Variants in CCDC57 observed in about 807,000 individuals in gnomAD.
CCDC57 encodes coiled-coil domain containing 57.
A neutral mutation model predicts 118.9 loss-of-function variants in CCDC57; 118 were observed. That is an observed-to-expected ratio of 0.99 (90% CI 0.86 to 1.16). The LOEUF is 1.16. Ranked by LOEUF, CCDC57 falls within the 50% of genes most tolerant of loss-of-function variation. The pLI is 0.00. For missense variants in CCDC57, 1,300 were observed against 1,320.7 expected, an observed-to-expected ratio of 0.98 and a Z score of 0.24; for synonymous variants, 527 against 532.9, an observed-to-expected ratio of 0.99 and a Z score of 0.15.
intron 11 of CCDC57, 106 bp downstream of exon 10, chr17:82,178,368 C>A (rs1323407662): frequency 7.4e-7 from 1 of 1,343,260 alleles, no homozygotes; most frequent in Non-Finnish European, 9.9e-7. Flanking sequence ...AAAAAGAACA[C>A]AACTGAAAGA....
chr17:82,161,049 G>A (rs1255083148), intron 14 of CCDC57, among the ~76,000 whole-genome samples: 6 of 152,112 alleles, frequency 3.9e-5, no homozygotes, highest in South Asian at 2.1e-4. Context: ...CCACACGGAT[G>A]TTTCTCCAAA....
intron 19 of CCDC57, among the ~76,000 whole-genome samples, chr17:82,107,031 T>G (rs2034896341): frequency 6.6e-6 from 1 of 152,126 alleles, no homozygotes; most frequent in Non-Finnish European, 1.5e-5. Flanking sequence ...TCCCTGCATG[T>G]CTTGGCAGGA....
chr17:82,162,219 G>A (rs1013591389), intron 14 of CCDC57, among the ~76,000 whole-genome samples: 6 of 152,074 alleles, frequency 3.9e-5, no homozygotes, highest in Non-Finnish European at 8.8e-5. Context: ...GGCTGGTCTC[G>A]AACTCCTGAC....
chr17:82,163,312 C>T, exon 14 of CCDC57: 1 of 1,613,738 alleles, frequency 6.2e-7, no homozygotes, highest in Non-Finnish European at 8.5e-7. Context: ...TCCTGCTTGA[C>T]CAGCTTGGAC....
At chr17:82,170,319 C>A (rs576777385) in intron 13 of CCDC57, among the ~76,000 whole-genome samples, 8 of 152,162 alleles carry the variant, frequency 5.3e-5, no homozygotes, top group African/African-American at 1.9e-4. Context: ...ACCAGCCTGA[C>A]CAACGTGGTG....
At chr17:82,138,152 T>C (rs1437862847) in intron 16 of CCDC57, among the ~76,000 whole-genome samples, 2 of 145,276 alleles carry the variant, frequency 1.4e-5, no homozygotes, top group Admixed American at 6.8e-5. Context: ...GATCTCTTTT[T>C]TTTTTTTTTT....
chr17:82,185,992 C>CGTA (rs2046878717), intron 8 of CCDC57, among the ~76,000 whole-genome samples: 1 of 152,050 alleles, frequency 6.6e-6, no homozygotes. Flanking sequence ...TGAGCACCAC[C>CGTA]GTACCTGTCT....
rs1329608769 is a variant in CCDC57, at chr17:82,206,920, T to A, written c.-9+927A>T. Among the ~76,000 whole-genome samples, 7 of 152,236 alleles carry A rather than the reference T, an allele frequency of 4.6e-5. 1 individual carries two copies. The highest frequency in any genetic ancestry group is 7.3e-5 in the Non-Finnish European group (5 of 68,036). On this transcript the variant is annotated intron_variant, in intron 2 of 19. Coordinates refer to ENST00000665763, the Ensembl canonical transcript of CCDC57. ...GTTCATTCCTGGGTGTAGGCCGAAC[T>A]AAGTTTAGGAGGAACTTAGTTTATA...
intron 13 of CCDC57, 87 bp from the exon 13 acceptor site, chr17:82,163,444 C>G (rs1406099235): frequency 8.6e-6 from 13 of 1,511,738 alleles, no homozygotes; most frequent in Non-Finnish European, 1.2e-5. Flanking sequence ...TCAGCTCTCC[C>G]TTTCCCGTGA....
chr17:82,172,944 C>A lies in CCDC57; in HGVS notation c.1507-84G>T. 2 of 1,284,816 alleles carry A rather than the reference C, an allele frequency of 1.6e-6. No individual in the cohort carries two copies. Among genetic ancestry groups the A allele is most frequent in the Non-Finnish European group, 2.2e-6 (2 of 912,172 alleles). The allele number at this position is 1,284,816 out of a possible 1,614,324, so 79.6% of individuals were successfully genotyped here. ...ACAGGCTGTGCCTCCGCTCTCCCCG[C>A]GCCCCTCTCGGGCCGGTCCCCCGCT... On this transcript the variant is annotated intron_variant, in intron 11 of 19. Transcript: ENST00000665763. This position sits in a 1 kb window ranked among gnomAD's most constrained non-coding sequence, Gnocchi z 5.2.
intron 16 of CCDC57, among the ~76,000 whole-genome samples, chr17:82,138,065 T>C (rs997048856): frequency 5.3e-5 from 8 of 151,838 alleles, no homozygotes; most frequent in African/African-American, 1.9e-4. Flanking sequence ...AGAGAGGTAT[T>C]TGAAATAATT....
chr17:82,198,725 T>G (rs2048596879), intron 3 of CCDC57, among the ~76,000 whole-genome samples: 1 of 151,386 alleles, frequency 6.6e-6, no homozygotes, highest in African/African-American at 2.4e-5. Flanking sequence ...GCCCAGTGGC[T>G]CACGCCTGTA....
chr17:82,129,621 C>T (rs997155903), intron 17 of CCDC57, among the ~76,000 whole-genome samples: 1 of 152,144 alleles, frequency 6.6e-6, no homozygotes, highest in African/African-American at 2.4e-5. Context: ...ATGCTCACTG[C>T]CCCCCGGGCT....
Position 82,179,200 on chromosome 17 carries a change from G to A in CCDC57, c.1212-11C>T, listed in dbSNP as rs370248387. The stretch of plus-strand genomic sequence containing the variant: ...AGCTGTTGCTTGTACCTAAGGACAC[G>A]TCCAACCGCTCAGCATTAATGCTTC... On this transcript the variant is annotated splice_polypyrimidine_tract_variant and intron_variant, in intron 9 of 19. Coordinates refer to ENST00000665763, the Ensembl canonical transcript of CCDC57. 3.1e-6 allele frequency: 5 copies of A among 1,610,450 alleles called. No individual in the cohort carries two copies. Among genetic ancestry groups the A allele is most frequent in the South Asian group, 1.1e-5 (1 of 90,692 alleles).
At chr17:82,157,411 C>T (rs766566845) in intron 15 of CCDC57, 3 of 1,263,788 alleles carry the variant, frequency 2.4e-6, no homozygotes, top group East Asian at 3.5e-5. Context: ...GCCGTCAAGG[C>T]CCTGCATTAA....
At chr17:82,183,985 C>A in intron 8 of CCDC57, 53 bp from the exon 8 acceptor site, 1 of 1,549,832 alleles carries the variant, frequency 6.5e-7, no homozygotes, top group Non-Finnish European at 8.8e-7. Flanking sequence ...CTAAAGTTGT[C>A]TCTTACACAG....
At chr17:82,186,474 G>A (rs569305959) in intron 8 of CCDC57, among the ~76,000 whole-genome samples, 10 of 152,058 alleles carry the variant, frequency 6.6e-5, no homozygotes, top group South Asian at 2.1e-4. Flanking sequence ...CACACCGACC[G>A]CAGAGGCTTT....
At position 82,127,522 on chromosome 17, in the gene CCDC57, C is replaced by G. The variant is rs150688986; in HGVS notation, c.2899+170G>C. 6.2e-5 allele frequency: 61 copies of G among 985,452 alleles called. No individual in the cohort carries two copies. The East Asian group carries it at 5.3e-3, about 86-fold the overall frequency. The allele number at this position is 985,452 out of a possible 1,614,324, so 61.0% of individuals were successfully genotyped here. A position where few individuals can be genotyped will look rare whatever the true frequency, so the allele number is the denominator to read the frequency against. On this transcript the variant is annotated intron_variant, in intron 19 of 19. Transcript: ENST00000665763. Reference sequence around the variant, plus strand: ...GCTTTGCACCATAACCCGGGAAACACTCAGGTGCCAAATGAGAGGTAAAGA... The same window carrying G: ...GCTTTGCACCATAACCCGGGAAACAGTCAGGTGCCAAATGAGAGGTAAAGA...
At chr17:82,153,262 C>A (rs1381452266) in intron 15 of CCDC57, among the ~76,000 whole-genome samples, 1 of 152,194 alleles carries the variant, frequency 6.6e-6, no homozygotes, top group African/African-American at 2.4e-5. Context: ...GTGAGACTCG[C>A]AAGTCCGGTT....
Sources: allele counts gnomAD v4.1 joint callset (sites outside exome capture counted in the v4.1 genomes callset), GRCh38; gene constraint gnomAD v4.1.1; non-coding constraint Gnocchi (gnomAD v3.1); transcripts MANE v1.5; gene names NCBI Gene and HGNC (gene_info 2026-07-23, HGNC 2026-07-21).